BST1: variants seen among roughly 807,000 people sequenced by gnomAD.
BST1 encodes ADP-ribosyl cyclase/cyclic ADP-ribose hydrolase 2.
BST1 carries 49 observed loss-of-function variants against 40.6 expected under a neutral mutation model. That is an observed-to-expected ratio of 1.21 (90% CI 0.96 to 1.53). The LOEUF is 1.53. Among genes scored for constraint, BST1 ranks in the 40% most tolerant of loss-of-function variants. BST1 has a pLI of 0.00. For missense variants in BST1, 423 were observed against 395.9 expected, an observed-to-expected ratio of 1.07 and a Z score of -0.58; for synonymous variants, 157 against 159.3, an observed-to-expected ratio of 0.99 and a Z score of 0.11.
downstream of BST1, among the ~76,000 whole-genome samples, chr4:15,741,150 C>T (rs1040278272): frequency 4.6e-5 from 7 of 151,982 alleles, no homozygotes; most frequent in Non-Finnish European, 7.4e-5. Context: ...AGTTGTCAAA[C>T]GGGGCTGCTA....
chr4:15,737,685 T>A, downstream of BST1: 2 of 796,490 alleles, frequency 2.5e-6, no homozygotes, highest in Admixed American at 4.8e-5. Flanking sequence ...AAGAACTGAG[T>A]TCTCTTTCCT....
intron 8 of BST1, chr4:15,723,527 C>T (rs1028337049): frequency 3.0e-5 from 30 of 984,384 alleles, no homozygotes; most frequent in African/African-American, 2.8e-4. Context: ...GGATTACAGG[C>T]GTAAGCCACC....
At chr4:15,755,352 T>G in the BST1 span, among the ~76,000 whole-genome samples, 5 of 152,300 alleles carry the variant, frequency 3.3e-5, no homozygotes, top group South Asian at 1.0e-3. Flanking sequence ...TTTGTCTGGC[T>G]GGTCTTGAAC....
chr4:15,719,330 T>C (rs1337596807), intron 7 of BST1, among the ~76,000 whole-genome samples: 1 of 152,154 alleles, frequency 6.6e-6, no homozygotes, highest in Non-Finnish European at 1.5e-5. Flanking sequence ...TGGATCTCTG[T>C]GGGATCCCTG....
downstream of BST1, among the ~76,000 whole-genome samples, chr4:15,733,805 A>G (rs1721470571): frequency 6.6e-6 from 1 of 152,204 alleles, no homozygotes; most frequent in African/African-American, 2.4e-5. Flanking sequence ...ACCTCCCACC[A>G]GACCCCACCT....
the BST1 span, among the ~76,000 whole-genome samples, chr4:15,773,213 C>T: frequency 6.6e-6 from 1 of 152,196 alleles, no homozygotes; most frequent in Non-Finnish European, 1.5e-5. Flanking sequence ...GCAGTAGGAA[C>T]TGTCGTTCAT....
the BST1 span, among the ~76,000 whole-genome samples, chr4:15,767,146 T>C: frequency 5.3e-5 from 8 of 150,178 alleles, no homozygotes; most frequent in East Asian, 1.5e-3. Context: ...AAGGGAAAAG[T>C]TGACGCTGGC....
the BST1 span, among the ~76,000 whole-genome samples, chr4:15,761,445 C>A: frequency 6.6e-6 from 1 of 151,896 alleles, no homozygotes; most frequent in African/African-American, 2.4e-5. Context: ...ACATGTATAC[C>A]ATAATACAGG....
intron 7 of BST1, among the ~76,000 whole-genome samples, chr4:15,722,487 G>C (rs1176751932): frequency 1.3e-5 from 2 of 152,136 alleles, no homozygotes; most frequent in East Asian, 3.8e-4. Flanking sequence ...GAGTGCAGTG[G>C]TGCGATCATA....
chr4:15,755,969 G>A, the BST1 span, among the ~76,000 whole-genome samples: 1 of 152,200 alleles, frequency 6.6e-6, no homozygotes, highest in Admixed American at 6.5e-5. Flanking sequence ...CATGTAAACT[G>A]ATAGATGATG....
intron 3 of BST1, among the ~76,000 whole-genome samples, chr4:15,711,276 G>A (rs1168006309): frequency 2.0e-5 from 3 of 152,210 alleles, no homozygotes; most frequent in African/African-American, 7.2e-5. Flanking sequence ...TCTTTAGTCT[G>A]TCCTTAAACA....
chr4:15,733,461 T>C (rs1449020557), downstream of BST1, among the ~76,000 whole-genome samples: 2 of 152,070 alleles, frequency 1.3e-5, no homozygotes, highest in East Asian at 3.9e-4. Flanking sequence ...TACAATCCTT[T>C]AGCTAGACAC....
rs922542103 is a variant in BST1 at position 15,732,679 on chromosome 4, G to C, written c.*834G>C. On this transcript the variant is annotated 3_prime_UTR_variant, in exon 9 of 9. Transcript: ENST00000265016. ...ATCCAGTAATATTTACATATTTACTGAAACTGTTTGGAACTTGTATTAGTT... is the reference window on the plus strand; with the variant it reads ...ATCCAGTAATATTTACATATTTACTCAAACTGTTTGGAACTTGTATTAGTT... 2.6e-5 allele frequency: 4 copies of C among 152,202 alleles called. No homozygotes were observed. The highest frequency in any genetic ancestry group is 9.7e-5 in the African/African-American group (4 of 41,448). The allele number at this position is 152,202 out of a possible 1,614,324, so 9.4% of individuals were successfully genotyped here.
At chr4:15,716,769 C>G (rs568924225) in intron 6 of BST1, among the ~76,000 whole-genome samples, 4 of 152,266 alleles carry the variant, frequency 2.6e-5, no homozygotes, top group African/African-American at 9.6e-5. Flanking sequence ...AAGTTGCTCT[C>G]TCTGGAAGTT....
At chr4:15,758,615 T>A in the BST1 span, among the ~76,000 whole-genome samples, 1 of 152,252 alleles carries the variant, frequency 6.6e-6, no homozygotes, top group African/African-American at 2.4e-5. Context: ...TTGTTAACTA[T>A]ATTCACCACA....
rs1335420855 is a variant in BST1, at chr4:15,731,907, C to A, written c.*62C>A. ...GCAGCCTCCCCTTGCAGTCATCATT[C>A]GTGTTCTGTGTATACCAAATGATTC... On this transcript the variant is annotated 3_prime_UTR_variant, in exon 9 of 9. Coordinates refer to ENST00000265016, the MANE Select transcript of BST1 (RefSeq NM_004334.3). 1.3e-6 allele frequency: 2 copies of A among 1,561,988 alleles called. No individual in the cohort carries two copies. The highest frequency in any genetic ancestry group is 1.2e-5 in the South Asian group (1 of 84,608).
chr4:15,711,958 A>C lies in BST1; in HGVS notation c.534+69A>C, dbSNP rs115324000. Reference sequence around the variant, plus strand: ...CCATAGAGATGGAACATAGTCATTCAGAGTCTGGGCCCCAGGTCATCACTC... The same window carrying C: ...CCATAGAGATGGAACATAGTCATTCCGAGTCTGGGCCCCAGGTCATCACTC... On this transcript the variant is annotated intron_variant, in intron 4 of 8. Transcript: ENST00000265016. 2.8e-4 allele frequency: 386 copies of C among 1,385,028 alleles called. 3 individuals carry two copies. In the African/African-American group the frequency reaches 5.1e-3, roughly 18 times the overall value. The allele number at this position is 1,385,028 out of a possible 1,614,324, so 85.8% of individuals were successfully genotyped here. A position where few individuals can be genotyped will look rare whatever the true frequency, so the allele number is the denominator to read the frequency against.
At chr4:15,727,128 T>C (rs187762154) in intron 8 of BST1, among the ~76,000 whole-genome samples, 3 of 152,202 alleles carry the variant, frequency 2.0e-5, no homozygotes, top group Admixed American at 2.0e-4. Flanking sequence ...GATGCTGAGG[T>C]TCAGAAGGAT....
chr4:15,707,580 C>G lies in BST1; in HGVS notation c.385C>G (p.Leu129Val), dbSNP rs147958205. Residue 129 changes from leucine (L) to valine (V), a missense_variant, in exon 3 of 9, where the codon CTG (leucine) becomes GTG (valine). By Grantham distance (32) the Leu-to-Val change is conservative. Coordinates refer to ENST00000265016, the MANE Select transcript of BST1 (RefSeq NM_004334.3). Reference protein sequence around the residue: ...FADNTRRFMPLSDVLYGRVAD... With the variant: ...FADNTRRFMPVSDVLYGRVAD... ...AGACAACACCCGTCGTTTTATGCCC[C>G]TGAGCGATGTTCTGTATGGCAGGGT... The G allele has an allele frequency of 1.9e-4, 310 of 1,614,064 alleles. 1 individual carries two copies. The African/African-American group carries it at 3.5e-3, about 18-fold the overall frequency.
Sources: allele counts gnomAD v4.1 joint callset (sites outside exome capture counted in the v4.1 genomes callset), GRCh38; gene constraint gnomAD v4.1.1; transcripts MANE v1.5; gene names NCBI Gene and HGNC (gene_info 2026-07-23, HGNC 2026-07-21).